Variants in ZNF503 observed in about 807,000 individuals in gnomAD.
ZNF503 encodes the protein zinc finger protein 503, also known as NocA-like zinc finger 2.
A neutral mutation model predicts 34.4 loss-of-function variants in ZNF503; 15 were observed. The ratio of observed to expected loss-of-function variants is 0.44; its 90% CI spans 0.29 to 0.67. The LOEUF (loss-of-function observed/expected upper bound fraction) is 0.67. ZNF503 is among the 30% of genes least tolerant of loss of function. The pLI, the probability that ZNF503 is intolerant of heterozygous loss-of-function variation, is 0.13. For synonymous variants in ZNF503, 580 were observed against 456.8 expected (o/e 1.27, Z -3.44); for missense variants, 1,007 against 926.8 (o/e 1.09, Z -1.12).
chr10:75,380,890 C>T, the ZNF503 span, among the ~76,000 whole-genome samples: 1 of 152,150 alleles, frequency 6.6e-6, no homozygotes, highest in African/African-American at 2.4e-5. Flanking sequence ...AAAAAGAACC[C>T]ATCATGATCC....
At chr10:75,371,925 T>A in the ZNF503 span, among the ~76,000 whole-genome samples, 14 of 151,848 alleles carry the variant, frequency 9.2e-5, no homozygotes, top group Non-Finnish European at 1.9e-4. Context: ...AAAAAGAGGG[T>A]TTTTTGTTAT....
At chr10:75,338,894 C>G in the ZNF503 span, among the ~76,000 whole-genome samples, 49 of 152,290 alleles carry the variant, frequency 3.2e-4, no homozygotes, top group African/African-American at 1.1e-3. Context: ...AAGCCTCCTC[C>G]CAAGTCACTC....
At chr10:75,329,914 G>A in the ZNF503 span, among the ~76,000 whole-genome samples, 4 of 152,170 alleles carry the variant, frequency 2.6e-5, no homozygotes, top group Non-Finnish European at 4.4e-5. Flanking sequence ...GAGTAGAAGT[G>A]GTGCAAGTGG....
Position 75,399,527 on chromosome 10 carries a change from C to A in ZNF503, c.1163G>T (p.Ser388Ile). The part of the protein sequence containing the change: ...GVALDPTKPG[S>I]LVGAQLAAAA... Reference sequence around the variant, plus strand: ...CGCCGCCAGCTGCGCCCCCACCAGGCTGCCCGGCTTGGTGGGGTCAAGTGC... The same window carrying A: ...CGCCGCCAGCTGCGCCCCCACCAGGATGCCCGGCTTGGTGGGGTCAAGTGC... Residue 388 changes from serine (S) to isoleucine (I), a missense_variant, in exon 2 of 2, where the codon AGC becomes ATC. Transcript: ENST00000372524. 2 of 1,586,216 alleles carry A rather than the reference C, an allele frequency of 1.3e-6. No individual in the cohort carries two copies. Among genetic ancestry groups the A allele is most frequent in the Non-Finnish European group, 1.7e-6 (2 of 1,173,566 alleles).
the ZNF503 span, among the ~76,000 whole-genome samples, chr10:75,348,973 T>G: frequency 3.2e-4 from 48 of 152,288 alleles, no homozygotes; most frequent in Middle Eastern, 6.8e-3. Context: ...TCTCTCTCTC[T>G]CTCCCTTCCT....
At position 75,399,405 on chromosome 10, in the gene ZNF503, C is replaced by A. The variant is rs763254331; in HGVS notation, c.1285G>T (p.Asp429Tyr). 3 of 1,605,154 alleles carry A rather than the reference C, an allele frequency of 1.9e-6. No homozygotes were observed. The highest frequency in any genetic ancestry group is 2.5e-6 in the Non-Finnish European group (3 of 1,178,540). The change falls in exon 2 of 2, where the codon GAC becomes TAC. Residue 429 changes from aspartate (D) to tyrosine (Y), a missense_variant. Asp to Tyr is a radical substitution (Grantham distance 160, BLOSUM62 -3). Coordinates refer to ENST00000372524, the MANE Select transcript of ZNF503 (RefSeq NM_032772.6). The part of the protein sequence containing the change: ...PSVMTASLCR[D>Y]PYCLSYHCAS... ...CAGTGGTAGCTGAGGCAGTAAGGGT[C>A]CCGGCACAAACTGGCTGTCATCACG...
At chr10:75,378,492 C>T in the ZNF503 span, among the ~76,000 whole-genome samples, 9 of 151,788 alleles carry the variant, frequency 5.9e-5, no homozygotes, top group Admixed American at 2.6e-4. Flanking sequence ...CCACCCACTC[C>T]GCACTTATCC....
rs61743304 is a variant in ZNF503, at chr10:75,399,745, C to G, written c.945G>C (p.Ser315=). Residue 315 remains serine, a synonymous_variant, in exon 2 of 2, where the codon TCG becomes TCC. Coordinates refer to ENST00000372524, the MANE Select transcript of ZNF503 (RefSeq NM_032772.6). The part of the protein sequence containing the change: ...KALGSDCGGS[S]GSSSGSGPSA... ...TGGGGCCGGAGCCGGAGCTGGAGCC[C>G]GATGAACCGCCGCAGTCCGAGCCCA... 1.6e-5 allele frequency: 26 copies of G among 1,593,170 alleles called. No individual in the cohort carries two copies. The highest frequency in any genetic ancestry group is 1.8e-5 in the Non-Finnish European group (21 of 1,174,590).
chr10:75,374,041 C>T, the ZNF503 span, among the ~76,000 whole-genome samples: 3 of 152,182 alleles, frequency 2.0e-5, no homozygotes, highest in Non-Finnish European at 2.9e-5. Flanking sequence ...TGGGCAGGCA[C>T]GGTGGCTCAC....
chr10:75,304,290 C>G, the ZNF503 span, among the ~76,000 whole-genome samples: 3 of 152,120 alleles, frequency 2.0e-5, no homozygotes, highest in South Asian at 2.1e-4. Flanking sequence ...TGTCTAAAGC[C>G]TCTAACATTT....
the ZNF503 span, among the ~76,000 whole-genome samples, chr10:75,336,730 A>C: frequency 6.6e-6 from 1 of 152,150 alleles, no homozygotes; most frequent in East Asian, 1.9e-4. Context: ...GGAAGAATCC[A>C]TTTCCAACCT....
chr10:75,381,210 TTTTG>T, the ZNF503 span, among the ~76,000 whole-genome samples: 4 of 152,122 alleles, frequency 2.6e-5, no homozygotes, highest in Middle Eastern at 3.4e-3. Context: ...CGTGTGTAAT[TTTTG>T]TTTGTTTGTT....
chr10:75,390,737 A>G, the ZNF503 span, among the ~76,000 whole-genome samples: 5 of 152,152 alleles, frequency 3.3e-5, no homozygotes, highest in Non-Finnish European at 5.9e-5. Context: ...GTCTGCCAAT[A>G]TTCTATTCCT....
Position 75,400,269 on chromosome 10 carries a change from C to T in ZNF503, c.421G>A (p.Gly141Arg), listed in dbSNP as rs763020449. ...CCGCCGGCACCGCCCGCGCCGCCCCCGTTGGAGGCAACCGAGGAGAGTTTG... is the reference window on the plus strand; with the variant it reads ...CCGCCGGCACCGCCCGCGCCGCCCCTGTTGGAGGCAACCGAGGAGAGTTTG... ...SSKLSSVASN[G>R]GGAGGAGGGA... Residue 141 changes from glycine to arginine, a missense_variant, in exon 2 of 2, where the codon GGG (glycine) becomes AGG (arginine). Physicochemically the swap from Gly to Arg is moderately radical, Grantham distance 125. Coordinates refer to ENST00000372524, the MANE Select transcript of ZNF503 (RefSeq NM_032772.6). 25 of 1,613,212 alleles carry T rather than the reference C, an allele frequency of 1.5e-5. No individual in the cohort carries two copies. The East Asian group carries it at 5.3e-4, about 35-fold the overall frequency.
At chr10:75,366,754 G>A in the ZNF503 span, among the ~76,000 whole-genome samples, 24 of 152,300 alleles carry the variant, frequency 1.6e-4, no homozygotes, top group East Asian at 4.6e-3. Context: ...GCCTTTACAA[G>A]GCAGGTTGGA....
At chr10:75,361,677 T>G in the ZNF503 span, 1 of 152,224 alleles carries the variant, frequency 6.6e-6, no homozygotes, top group South Asian at 2.1e-4. Context: ...ATTTACATTG[T>G]TAATTTCTTT....
chr10:75,398,670 T>A lies in ZNF503; in HGVS notation c.*79A>T. On this transcript the variant is annotated 3_prime_UTR_variant, in exon 2 of 2. Transcript: ENST00000372524. ...TCCCCACGCGCGGGTGTCAGCAGCCTGGGCCGTGATCCCGCCTCTCCCTGG... is the reference window on the plus strand; with the variant it reads ...TCCCCACGCGCGGGTGTCAGCAGCCAGGGCCGTGATCCCGCCTCTCCCTGG... 2.4e-6 allele frequency: 3 copies of A among 1,265,804 alleles called. No individual in the cohort carries two copies. Among genetic ancestry groups the A allele is most frequent in the Non-Finnish European group, 3.0e-6 (3 of 996,870 alleles). 78.4% of individuals were successfully genotyped at this position (1,265,804 alleles called of 1,614,324 possible).
the ZNF503 span, among the ~76,000 whole-genome samples, chr10:75,368,082 G>A: frequency 2.0e-5 from 3 of 152,152 alleles, no homozygotes; most frequent in African/African-American, 4.8e-5. Context: ...GGGAGTTCAG[G>A]CACCTCAAAT....
At chr10:75,288,795 T>C in the ZNF503 span, 1 of 152,234 alleles carries the variant, frequency 6.6e-6, no homozygotes, top group Admixed American at 6.5e-5. Flanking sequence ...GGGGTCTCAA[T>C]GGGAGTCATA....
Sources: gnomAD v4.1 joint callset for allele counts (sites outside exome capture counted in the v4.1 genomes callset) on GRCh38, gnomAD v4.1.1 for gene constraint, MANE v1.5 for transcripts, NCBI Gene and HGNC (gene_info 2026-07-23, HGNC 2026-07-21) for gene names.